TPRG1: variants seen among roughly 807,000 people sequenced by gnomAD.
TPRG1 encodes tumor protein p63 regulated 1, also known as tumor protein p63-regulated gene 1 protein.
TPRG1 carries 29 observed loss-of-function variants against 29.3 expected under a neutral mutation model. The observed-to-expected ratio is 0.99, with a 90% CI of 0.74 to 1.35. The LOEUF (loss-of-function observed/expected upper bound fraction) is 1.35. Among genes scored for constraint, TPRG1 ranks in the 40% most tolerant of loss-of-function variants. The pLI, the probability that TPRG1 is intolerant of heterozygous loss-of-function variation, is 0.00. For missense variants in TPRG1, 327 were observed against 335.0 expected (o/e 0.98, Z 0.19); for synonymous variants, 130 against 116.8 (o/e 1.11, Z -0.73).
At chr3:189,086,241 C>T (rs981491440) in intron 4 of TPRG1, among the ~76,000 whole-genome samples, 6 of 152,184 alleles carry the variant, frequency 3.9e-5, no homozygotes, top group African/African-American at 1.4e-4. Context: ...CTCAGCCAGT[C>T]TAGTCCTTCC....
intron 3 of TPRG1, among the ~76,000 whole-genome samples, chr3:189,222,615 C>T (rs957308153): frequency 6.6e-6 from 1 of 152,152 alleles, no homozygotes; most frequent in African/African-American, 2.4e-5. Flanking sequence ...ACAGGATCCC[C>T]AGTTGATTCC....
chr3:189,158,939 T>C (rs1022256795), intron 5 of TPRG1, among the ~76,000 whole-genome samples: 2 of 150,140 alleles, frequency 1.3e-5, no homozygotes, highest in African/African-American at 5.0e-5. Context: ...TTTTTTTTTG[T>C]TTTTGTTTTT....
chr3:189,240,696 C>T (rs905707187), intron 4 of TPRG1: 1 of 152,210 alleles, frequency 6.6e-6, no homozygotes, highest in African/African-American at 2.4e-5. Flanking sequence ...CCGGGTTCCT[C>T]CCACGACACA....
At chr3:189,309,507 C>T (rs935421081) in intron 4 of TPRG1, among the ~76,000 whole-genome samples, 2 of 152,134 alleles carry the variant, frequency 1.3e-5, no homozygotes, top group African/African-American at 2.4e-5. Context: ...ATGCAGGGCA[C>T]CTGAGTTTGG....
At chr3:189,234,505 C>T (rs1739144189) in intron 3 of TPRG1, among the ~76,000 whole-genome samples, 1 of 152,172 alleles carries the variant, frequency 6.6e-6, no homozygotes, top group South Asian at 2.1e-4. Context: ...TGCTCTTTCT[C>T]ACTATTTTGG....
intron 1 of TPRG1, among the ~76,000 whole-genome samples, chr3:189,188,293 C>T (rs1428524557): frequency 6.6e-6 from 1 of 152,126 alleles, no homozygotes; most frequent in Non-Finnish European, 1.5e-5. Context: ...TTCTTTTGAC[C>T]TCTTCTCAGA....
chr3:189,138,899 G>C (rs543492584), intron 3 of TPRG1, among the ~76,000 whole-genome samples: 116 of 152,222 alleles, frequency 7.6e-4, no homozygotes, highest in African/African-American at 2.7e-3. Flanking sequence ...TAGGTGAAAG[G>C]TGCCCTGTGG....
intron 5 of TPRG1, among the ~76,000 whole-genome samples, chr3:189,157,856 G>T (rs1368316250): frequency 1.3e-5 from 2 of 152,132 alleles, no homozygotes; most frequent in Admixed American, 1.3e-4. Context: ...TTCTCCTTCC[G>T]GCTGTAGCAA....
At chr3:189,103,500 C>G (rs917866702) in intron 1 of TPRG1, among the ~76,000 whole-genome samples, 1 of 152,160 alleles carries the variant, frequency 6.6e-6, no homozygotes, top group Admixed American at 6.6e-5. Context: ...TGTTCCTTCC[C>G]TACACCACGG....
At chr3:189,213,241 T>G (rs995736013) in intron 2 of TPRG1, among the ~76,000 whole-genome samples, 4 of 152,200 alleles carry the variant, frequency 2.6e-5, no homozygotes, top group Non-Finnish European at 5.9e-5. Flanking sequence ...AGTTGTTATC[T>G]TCTTCATCTA....
intron 4 of TPRG1, among the ~76,000 whole-genome samples, chr3:189,032,292 C>T (rs972694666): frequency 2.0e-5 from 3 of 152,128 alleles, no homozygotes; most frequent in African/African-American, 7.2e-5. Flanking sequence ...GTGACTTCTA[C>T]ACACTGGAAA....
chr3:189,126,485 C>T (rs1722511484), intron 1 of TPRG1, among the ~76,000 whole-genome samples: 1 of 152,106 alleles, frequency 6.6e-6, no homozygotes, highest in South Asian at 2.1e-4. Context: ...CTTATTATCC[C>T]CTGGTATGTT....
chr3:189,234,522 C>T (rs556010100), intron 3 of TPRG1, among the ~76,000 whole-genome samples: 1 of 152,166 alleles, frequency 6.6e-6, no homozygotes, highest in Non-Finnish European at 1.5e-5. Flanking sequence ...TTGGCATGAA[C>T]ATTTCCGCAA....
chr3:189,072,750 T>C (rs773579536), intron 4 of TPRG1, among the ~76,000 whole-genome samples: 1 of 151,686 alleles, frequency 6.6e-6, no homozygotes, highest in Non-Finnish European at 1.5e-5. Context: ...GTTCTCTTTA[T>C]ATCTCTCTAT....
intron 4 of TPRG1, among the ~76,000 whole-genome samples, chr3:189,298,803 G>T (rs1206002067): frequency 6.6e-6 from 1 of 152,182 alleles, no homozygotes; most frequent in Non-Finnish European, 1.5e-5. Flanking sequence ...GTCATGAGCT[G>T]AAAGAGAAAA....
At chr3:189,039,488 G>T (rs937486495) in intron 4 of TPRG1, among the ~76,000 whole-genome samples, 2 of 152,152 alleles carry the variant, frequency 1.3e-5, no homozygotes, top group African/African-American at 4.8e-5. Flanking sequence ...ACTGAAAGGG[G>T]AAAATGATAC....
At chr3:189,183,837 T>G (rs1191219950) in intron 1 of TPRG1, among the ~76,000 whole-genome samples, 1 of 151,446 alleles carries the variant, frequency 6.6e-6, no homozygotes, top group Admixed American at 6.6e-5. Flanking sequence ...ATTTGTGCAG[T>G]TAACGCAATT....
At chr3:189,042,168 A>G (rs144157778) in intron 4 of TPRG1, among the ~76,000 whole-genome samples, 1 of 152,300 alleles carries the variant, frequency 6.6e-6, no homozygotes, top group Non-Finnish European at 1.5e-5. Flanking sequence ...TTAAAAAAAA[A>G]TCTGAAATTA....
intron 4 of TPRG1, among the ~76,000 whole-genome samples, chr3:189,307,018 C>T (rs1398896457): frequency 6.6e-6 from 1 of 152,056 alleles, no homozygotes; most frequent in Non-Finnish European, 1.5e-5. Context: ...GAGAAAGACC[C>T]AGTCTTCTTC....
Sources: allele counts gnomAD v4.1 joint callset (sites outside exome capture counted in the v4.1 genomes callset), GRCh38; gene constraint gnomAD v4.1.1; transcripts MANE v1.5; gene names NCBI Gene and HGNC (gene_info 2026-07-23, HGNC 2026-07-21).